The following CEP112 variants were observed in gnomAD, a reference collection of about 807,000 sequenced individuals.
CEP112 encodes the protein centrosomal protein 112.
Under a neutral mutation model 153.0 loss-of-function variants are expected in CEP112, and 127 were observed. The ratio of observed to expected loss-of-function variants is 0.83; its 90% CI spans 0.72 to 0.96. The LOEUF (loss-of-function observed/expected upper bound fraction) is 0.96. Among genes scored for constraint, CEP112 ranks in the 40% least tolerant of loss-of-function variants. The pLI is 0.00. For missense variants in CEP112, 1,089 were observed against 1,101.2 expected (o/e 0.99, Z 0.16); for synonymous variants, 358 against 374.4 (o/e 0.96, Z 0.51).
intron 4 of CEP112, among the ~76,000 whole-genome samples, chr17:66,171,516 A>G (rs2146839979): frequency 6.6e-6 from 1 of 152,338 alleles, no homozygotes; most frequent in East Asian, 1.9e-4. Context: ...AGATTAGCAG[A>G]TACTAACTTT....
chr17:65,987,537 C>A lies in CEP112; in HGVS notation c.1736+18153G>T, dbSNP rs79772869. On this transcript the variant is annotated intron_variant, in intron 17 of 26. Transcript: ENST00000535342. ...TTAAAATGTTGATGTCTTACTGTAT[C>A]CTAGCACAAACAGAAAAAAAGAGAA... 1.6e-4 allele frequency among the ~76,000 whole-genome samples: 25 copies of A among 152,198 alleles called. No homozygotes were observed. In the East Asian group the frequency reaches 3.3e-3, roughly 20 times the overall value.
At chr17:65,900,387 A>G (rs1342874016) in intron 20 of CEP112, among the ~76,000 whole-genome samples, 2 of 152,164 alleles carry the variant, frequency 1.3e-5, no homozygotes, top group Non-Finnish European at 1.5e-5. Flanking sequence ...TAATGTTTCA[A>G]TAGGAAGAAA....
At chr17:65,640,921 T>C in intron 25 of CEP112, 43 bp downstream of exon 25, 1 of 1,057,036 alleles carries the variant, frequency 9.5e-7, no homozygotes, top group Non-Finnish European at 1.5e-6. Flanking sequence ...CTTTTCAGAG[T>C]ATCCCCTAAA....
intron 21 of CEP112, among the ~76,000 whole-genome samples, chr17:65,809,469 G>A (rs1033702713): frequency 6.6e-6 from 1 of 152,198 alleles, no homozygotes; most frequent in South Asian, 2.1e-4. Flanking sequence ...ACAGTCCAGT[G>A]AAGAGTCAAT....
At chr17:65,761,940 C>T (rs75313766) in intron 21 of CEP112, among the ~76,000 whole-genome samples, 1,889 of 152,142 alleles carry the variant, frequency 0.012, 33 homozygotes, top group African/African-American at 0.043. Context: ...CAACTATGTC[C>T]TTACTGATTT....
At chr17:66,166,912 A>AAAAAAC (rs1555818967) in intron 4 of CEP112, among the ~76,000 whole-genome samples, 3 of 150,764 alleles carry the variant, frequency 2.0e-5, no homozygotes, top group Non-Finnish European at 4.4e-5. Context: ...TCAAAAAAAA[A>AAAAAAC]AAAAAAAAAA....
intron 23 of CEP112, among the ~76,000 whole-genome samples, chr17:65,714,799 CA>C (rs1342124520): frequency 6.6e-6 from 1 of 151,786 alleles, no homozygotes; most frequent in Non-Finnish European, 1.5e-5. Context: ...TATATTTAGG[CA>C]GAAAAAAATA....
At chr17:65,668,188 G>A (rs1285865165) in intron 24 of CEP112, among the ~76,000 whole-genome samples, 10 of 152,230 alleles carry the variant, frequency 6.6e-5, no homozygotes, top group Non-Finnish European at 7.4e-5. Context: ...GAGCCACTGC[G>A]CCCGGCCTCC....
intron 25 of CEP112, among the ~76,000 whole-genome samples, chr17:65,640,173 T>TTTTTTTTA (rs1784908307): frequency 3.3e-4 from 36 of 108,684 alleles, no homozygotes; most frequent in East Asian, 5.0e-4. Flanking sequence ...TTTTTTTTTT[T>TTTTTTTTA]GAGACAGTCT....
At chr17:65,933,596 T>C (rs2061201939) in intron 18 of CEP112, among the ~76,000 whole-genome samples, 1 of 152,086 alleles carries the variant, frequency 6.6e-6, no homozygotes, top group African/African-American at 2.4e-5. Context: ...AAGTTATCCT[T>C]CAGAAATAAG....
At chr17:65,998,382 C>CAAAAAAAA (rs34117654) in intron 17 of CEP112, among the ~76,000 whole-genome samples, 2 of 70,018 alleles carry the variant, frequency 2.9e-5, no homozygotes, top group African/African-American at 1.2e-4. Flanking sequence ...GGCCTCGTCT[C>CAAAAAAAA]AAAAAAAAAA....
chr17:65,988,807 T>C (rs987905650), intron 17 of CEP112, among the ~76,000 whole-genome samples: 1 of 152,098 alleles, frequency 6.6e-6, no homozygotes, highest in Admixed American at 6.5e-5. Flanking sequence ...AATCTAAGAA[T>C]TATTGGTGTC....
chr17:66,119,418 T>G lies in CEP112; in HGVS notation c.642+10328A>C, dbSNP rs372000462. On this transcript the variant is annotated intron_variant, in intron 6 of 26. Coordinates refer to ENST00000535342, the MANE Select transcript of CEP112 (RefSeq NM_001199165.4). Reference sequence around the variant, plus strand: ...TAGCCCAACACCTGGAAACTACTAATCTGTTCTCCATTCTTATAGTTTTAC... The same window carrying G: ...TAGCCCAACACCTGGAAACTACTAAGCTGTTCTCCATTCTTATAGTTTTAC... Among the ~76,000 whole-genome samples the G allele has an allele frequency of 1.4e-3, 218 of 152,372 alleles. 5 individuals carry two copies. In the South Asian group the frequency reaches 0.042, roughly 30 times the overall value.
At chr17:65,850,799 A>G (rs2057903115) in intron 21 of CEP112, among the ~76,000 whole-genome samples, 1 of 152,086 alleles carries the variant, frequency 6.6e-6, no homozygotes, top group Non-Finnish European at 1.5e-5. Context: ...CTTCTCACTC[A>G]TCATTTCCAG....
chr17:65,826,000 A>G lies in CEP112; in HGVS notation c.2394+25804T>C, dbSNP rs75168639. Reference sequence around the variant, plus strand: ...CCTTATTTCTGTTCAATGTGATTGCAGTTTGTTCCATCATCCCTGCCCTAT... The same window carrying G: ...CCTTATTTCTGTTCAATGTGATTGCGGTTTGTTCCATCATCCCTGCCCTAT... On this transcript the variant is annotated intron_variant, in intron 21 of 26. Coordinates refer to ENST00000535342, the MANE Select transcript of CEP112 (RefSeq NM_001199165.4). The G allele has an allele frequency of 2.2e-5, 17 of 789,426 alleles. No individual in the cohort carries two copies. In the South Asian group the frequency reaches 2.8e-4, roughly 13 times the overall value. The allele number at this position is 789,426 out of a possible 1,614,324, so 48.9% of individuals were successfully genotyped here. A position where few individuals can be genotyped will look rare whatever the true frequency, so the allele number is the denominator to read the frequency against.
intron 18 of CEP112, chr17:65,941,515 T>C (rs1032743226): frequency 6.6e-6 from 1 of 152,196 alleles, no homozygotes; most frequent in Non-Finnish European, 1.5e-5. Context: ...AAAAATCATC[T>C]TACAAAACAC....
At chr17:65,924,997 C>T (rs945082861) in intron 19 of CEP112, among the ~76,000 whole-genome samples, 2 of 152,154 alleles carry the variant, frequency 1.3e-5, no homozygotes, top group African/African-American at 4.8e-5. Flanking sequence ...ATACCTACAC[C>T]GTCTTAACCT....
intron 11 of CEP112, among the ~76,000 whole-genome samples, chr17:66,059,540 C>A (rs187830382): frequency 6.6e-6 from 1 of 151,906 alleles, no homozygotes; most frequent in Middle Eastern, 3.2e-3. Flanking sequence ...AACAAACATA[C>A]GAAAAAATGT....
intron 22 of CEP112, among the ~76,000 whole-genome samples, chr17:65,749,872 A>G (rs2051715649): frequency 6.6e-6 from 1 of 152,218 alleles, no homozygotes; most frequent in Non-Finnish European, 1.5e-5. Context: ...ATATATATAA[A>G]AATATGAAGA....
Sources: gnomAD v4.1 joint callset for allele counts (sites outside exome capture counted in the v4.1 genomes callset) on GRCh38, gnomAD v4.1.1 for gene constraint, MANE v1.5 for transcripts, NCBI Gene and HGNC (gene_info 2026-07-23, HGNC 2026-07-21) for gene names.